The following VEGFC variants were observed in gnomAD, a reference collection of about 807,000 sequenced individuals.
The protein encoded by VEGFC is vascular endothelial growth factor C, also known as FLT4 ligand DHM.
A neutral mutation model predicts 46.1 loss-of-function variants in VEGFC; 12 were observed. That is an observed-to-expected ratio of 0.26 (90% confidence interval 0.17 to 0.42). The LOEUF is 0.42. VEGFC is among the 10% of genes least tolerant of loss of function. VEGFC has a pLI of 1.00. For missense variants in VEGFC, 488 were observed against 529.4 expected, an observed-to-expected ratio of 0.92 and a Z score of 0.77; for synonymous variants, 232 against 195.5, an observed-to-expected ratio of 1.19 and a Z score of -1.56.
At chr4:176,750,286 T>C (rs1228883240) in intron 1 of VEGFC, among the ~76,000 whole-genome samples, 3 of 151,770 alleles carry the variant, frequency 2.0e-5, no homozygotes, top group Non-Finnish European at 4.4e-5. Flanking sequence ...ACTATGTGGA[T>C]TTATCAAACT....
chr4:176,684,625 G>C (rs1175262214), intron 6 of VEGFC, among the ~76,000 whole-genome samples: 1 of 152,152 alleles, frequency 6.6e-6, no homozygotes, highest in East Asian at 1.9e-4. Context: ...ACTCAGCAGC[G>C]AGGGTCCCCT....
At chr4:176,696,388 C>A (rs1375259426) in intron 4 of VEGFC, among the ~76,000 whole-genome samples, 2 of 149,022 alleles carry the variant, frequency 1.3e-5, no homozygotes, top group Non-Finnish European at 3.0e-5. Flanking sequence ...TTCACAATTG[C>A]TTCAAAGAGA....
intron 1 of VEGFC, among the ~76,000 whole-genome samples, chr4:176,733,918 A>C (rs1735007933): frequency 6.6e-6 from 1 of 151,898 alleles, no homozygotes; most frequent in Non-Finnish European, 1.5e-5. Flanking sequence ...AAAGAACTTT[A>C]AAAAAATAAT....
intron 1 of VEGFC, among the ~76,000 whole-genome samples, chr4:176,765,252 G>A (rs73872174): frequency 0.046 from 6,932 of 151,720 alleles, 496 homozygotes; most frequent in African/African-American, 0.16. Context: ...AGACAGATCA[G>A]TAGAAAACAT....
intron 1 of VEGFC, among the ~76,000 whole-genome samples, chr4:176,746,627 C>A (rs1392233573): frequency 6.6e-6 from 1 of 152,072 alleles, no homozygotes; most frequent in Non-Finnish European, 1.5e-5. Context: ...TTGGTACTTA[C>A]ATTTTGGAAA....
chr4:176,741,895 A>C (rs1404113514), intron 1 of VEGFC, among the ~76,000 whole-genome samples: 1 of 151,970 alleles, frequency 6.6e-6, no homozygotes, highest in East Asian at 1.9e-4. Context: ...GTATTTAAGC[A>C]CATAATTTAA....
At chr4:176,755,338 C>A (rs1735414729) in intron 1 of VEGFC, among the ~76,000 whole-genome samples, 1 of 152,036 alleles carries the variant, frequency 6.6e-6, no homozygotes, top group African/African-American at 2.4e-5. Flanking sequence ...CTCCCCAGAG[C>A]AGCCCTAAGC....
At chr4:176,701,078 G>A (rs1734423265) in intron 4 of VEGFC, among the ~76,000 whole-genome samples, 1 of 152,176 alleles carries the variant, frequency 6.6e-6, no homozygotes, top group East Asian at 1.9e-4. Context: ...CAAAAAAGAG[G>A]GAACCCTAAT....
chr4:176,735,610 T>C (rs1226840550), intron 1 of VEGFC, among the ~76,000 whole-genome samples: 1 of 151,894 alleles, frequency 6.6e-6, no homozygotes, highest in Non-Finnish European at 1.5e-5. Flanking sequence ...TTCTGGTGTG[T>C]AGGAAGAGTT....
chr4:176,716,863 T>C (rs1294375019), intron 3 of VEGFC, among the ~76,000 whole-genome samples: 1 of 152,102 alleles, frequency 6.6e-6, no homozygotes. Flanking sequence ...TTTAAGAAAA[T>C]ATGAATCATG....
chr4:176,772,664 G>A (rs1357898346), intron 1 of VEGFC, among the ~76,000 whole-genome samples: 1 of 152,148 alleles, frequency 6.6e-6, no homozygotes, highest in East Asian at 1.9e-4. Context: ...AGGTCATGAG[G>A]CTCTGCCCAC....
chr4:176,689,495 A>G (rs1256763815), intron 4 of VEGFC: 1 of 152,166 alleles, frequency 6.6e-6, no homozygotes, highest in Admixed American at 6.5e-5. Flanking sequence ...TACAGCATCT[A>G]CTAGACACAG....
intron 1 of VEGFC, among the ~76,000 whole-genome samples, chr4:176,761,847 A>G (rs943634769): frequency 1.3e-5 from 2 of 152,248 alleles, no homozygotes; most frequent in Non-Finnish European, 2.9e-5. Flanking sequence ...GGAATACAAA[A>G]TGAAACAGCA....
At chr4:176,684,502 A>G (rs1020155697) in intron 6 of VEGFC, among the ~76,000 whole-genome samples, 3 of 151,530 alleles carry the variant, frequency 2.0e-5, no homozygotes, top group Non-Finnish European at 4.4e-5. Flanking sequence ...CCCCACCCTC[A>G]CTCTTGTGTC....
chr4:176,788,896 T>C (rs184336230), intron 1 of VEGFC, among the ~76,000 whole-genome samples: 39 of 152,340 alleles, frequency 2.6e-4, no homozygotes, highest in African/African-American at 7.2e-4. Flanking sequence ...TCATCCTTAA[T>C]GAAATAAAAT....
chr4:176,766,507 A>G (rs1225912740), intron 1 of VEGFC, among the ~76,000 whole-genome samples: 1 of 150,016 alleles, frequency 6.7e-6, no homozygotes, highest in Non-Finnish European at 1.5e-5. Flanking sequence ...GGACTGCTGG[A>G]CCCTGAGAGA....
chr4:176,768,491 C>CATACATATATATATATAT (rs1553996841), intron 1 of VEGFC, among the ~76,000 whole-genome samples: 3 of 100,536 alleles, frequency 3.0e-5, no homozygotes, highest in Non-Finnish European at 6.1e-5. Flanking sequence ...ATGTTTTATA[C>CATACATATATATATATAT]ATATATATAT....
chr4:176,751,819 T>C (rs1359629738), intron 1 of VEGFC, among the ~76,000 whole-genome samples: 1 of 151,958 alleles, frequency 6.6e-6, no homozygotes, highest in Non-Finnish European at 1.5e-5. Context: ...TGAAGGCTTA[T>C]ATGGGGGTCT....
At chr4:176,709,788 T>C (rs527358708) in intron 4 of VEGFC, among the ~76,000 whole-genome samples, 5 of 152,334 alleles carry the variant, frequency 3.3e-5, no homozygotes, top group African/African-American at 1.2e-4. Context: ...AACGATGCCT[T>C]TTAAAGCTTA....
Sources: allele counts gnomAD v4.1 joint callset (sites outside exome capture counted in the v4.1 genomes callset), GRCh38; gene constraint gnomAD v4.1.1; transcripts MANE v1.5; gene names NCBI Gene and HGNC (gene_info 2026-07-23, HGNC 2026-07-21).